Variants in SORCS3 observed in about 807,000 individuals in gnomAD.
SORCS3 encodes VPS10 domain-containing receptor SorCS3.
Under a neutral mutation model 146.3 loss-of-function variants are expected in SORCS3, and 57 were observed. That is an observed-to-expected ratio of 0.39 (90% confidence interval 0.31 to 0.49). The LOEUF is 0.49. SORCS3 is among the 20% of genes least tolerant of loss of function. The pLI is 0.92. For missense variants in SORCS3, 1,341 were observed against 1,575.5 expected, an observed-to-expected ratio of 0.85 and a Z score of 2.52; for synonymous variants, 653 against 618.5, an observed-to-expected ratio of 1.06 and a Z score of -0.83.
At chr10:104,755,339 G>C (rs537006857) in intron 1 of SORCS3, among the ~76,000 whole-genome samples, 11 of 152,272 alleles carry the variant, frequency 7.2e-5, no homozygotes, top group Admixed American at 5.2e-4. Flanking sequence ...TTTGCAGGGA[G>C]ATATAACTGA....
chr10:104,908,416 T>C (rs1036859756), intron 2 of SORCS3, among the ~76,000 whole-genome samples: 33 of 152,184 alleles, frequency 2.2e-4, no homozygotes, highest in African/African-American at 6.5e-4. Flanking sequence ...TTCATAAAAA[T>C]GACAGCCATA....
In SORCS3 at chr10:104,783,557, G is replaced by A. The variant is rs530851517; in HGVS notation, c.628-59235G>A. On this transcript the variant is annotated intron_variant, in intron 1 of 26. Transcript: ENST00000369701. ...AGCCTGGCCAACATGATGAAGCCCC[G>A]TCTCTGCAAAAATTCAAAAATTAGC... Among the ~76,000 whole-genome samples the A allele has an allele frequency of 6.6e-5, 10 of 152,140 alleles. No homozygotes were observed. In the East Asian group the frequency reaches 7.7e-4, roughly 12 times the overall value.
At chr10:104,952,364 C>T (rs1374339734) in intron 3 of SORCS3, among the ~76,000 whole-genome samples, 2 of 150,176 alleles carry the variant, frequency 1.3e-5, no homozygotes, top group African/African-American at 4.9e-5. Flanking sequence ...GGTCCACAGA[C>T]CAGCAGCATT....
intron 16 of SORCS3, among the ~76,000 whole-genome samples, chr10:105,201,631 C>G (rs117857074): frequency 6.6e-6 from 1 of 152,194 alleles, no homozygotes; most frequent in Non-Finnish European, 1.5e-5. Context: ...TGCTCTTCTA[C>G]GTGACCTCTC....
intron 1 of SORCS3, among the ~76,000 whole-genome samples, chr10:104,768,319 A>G (rs2017205840): frequency 1.3e-5 from 2 of 152,242 alleles, no homozygotes; most frequent in African/African-American, 2.4e-5. Flanking sequence ...TTAGAGGGAG[A>G]TAAGTAGGCA....
intron 4 of SORCS3, among the ~76,000 whole-genome samples, chr10:104,999,714 C>A (rs576886486): frequency 6.6e-6 from 1 of 152,274 alleles, no homozygotes; most frequent in Non-Finnish European, 1.5e-5. Flanking sequence ...CCACCCTTGG[C>A]CATTCAGACA....
intron 1 of SORCS3, among the ~76,000 whole-genome samples, chr10:104,735,141 C>A (rs1368183595): frequency 6.6e-6 from 1 of 152,204 alleles, no homozygotes; most frequent in African/African-American, 2.4e-5. Context: ...CTGTTCCCTG[C>A]CGCTTGCCTT....
intron 3 of SORCS3, among the ~76,000 whole-genome samples, chr10:104,917,997 A>T (rs2019050119): frequency 6.6e-6 from 1 of 152,188 alleles, no homozygotes; most frequent in Admixed American, 6.5e-5. Context: ...ATATATACCC[A>T]GTAGTCGAAT....
At chr10:104,818,058 G>C (rs1187138675) in intron 1 of SORCS3, among the ~76,000 whole-genome samples, 1 of 152,080 alleles carries the variant, frequency 6.6e-6, no homozygotes, top group Admixed American at 6.5e-5. Context: ...TGGCCTGCAG[G>C]TTGCCCTATC....
chr10:105,031,334 C>A (rs925330904), intron 4 of SORCS3, among the ~76,000 whole-genome samples: 1 of 69,862 alleles, frequency 1.4e-5, no homozygotes, highest in Non-Finnish European at 2.8e-5. Flanking sequence ...CACACACAAA[C>A]ACACACACAC....
chr10:104,759,778 G>C (rs774074130), intron 1 of SORCS3, among the ~76,000 whole-genome samples: 2 of 152,112 alleles, frequency 1.3e-5, no homozygotes, highest in Non-Finnish European at 2.9e-5. Context: ...TTCACCAGGT[G>C]TTCTGTCGAG....
chr10:105,059,062 C>T (rs2055465401), intron 5 of SORCS3, among the ~76,000 whole-genome samples: 1 of 152,166 alleles, frequency 6.6e-6, no homozygotes, highest in Non-Finnish European at 1.5e-5. Context: ...TCCATCTGAA[C>T]AAGCTCTCCT....
intron 1 of SORCS3, among the ~76,000 whole-genome samples, chr10:104,713,546 A>T (rs1170467480): frequency 6.6e-6 from 1 of 152,108 alleles, no homozygotes; most frequent in Non-Finnish European, 1.5e-5. Context: ...ACATTGATTG[A>T]TGTGATCGCA....
At chr10:105,166,083 C>T (rs1268439980) in intron 12 of SORCS3, among the ~76,000 whole-genome samples, 1 of 152,072 alleles carries the variant, frequency 6.6e-6, no homozygotes, top group African/African-American at 2.4e-5. Flanking sequence ...AGTGAATCAC[C>T]CTTAGGTCCT....
intron 1 of SORCS3, among the ~76,000 whole-genome samples, chr10:104,663,967 A>G (rs1267017112): frequency 6.6e-6 from 1 of 152,196 alleles, no homozygotes; most frequent in East Asian, 1.9e-4. Flanking sequence ...TTTTATGCCA[A>G]GCATTTGTCA....
At chr10:105,003,517 G>A (rs924165175) in intron 4 of SORCS3, among the ~76,000 whole-genome samples, 1 of 152,108 alleles carries the variant, frequency 6.6e-6, no homozygotes, top group African/African-American at 2.4e-5. Context: ...ATTAAATGGA[G>A]CCTAATTTGT....
intron 1 of SORCS3, among the ~76,000 whole-genome samples, chr10:104,737,951 T>A (rs1239133082): frequency 1.3e-5 from 2 of 151,168 alleles, no homozygotes; most frequent in African/African-American, 2.4e-5. Flanking sequence ...TTGATTTTTG[T>A]ATAAGGTGTA....
chr10:105,215,762 C>G (rs2056661138), intron 18 of SORCS3, among the ~76,000 whole-genome samples: 1 of 152,138 alleles, frequency 6.6e-6, no homozygotes, highest in Admixed American at 6.5e-5. Context: ...TCATTCACAT[C>G]TGGGCTGCCA....
In SORCS3 at chr10:104,934,717, C is replaced by T. The variant is rs150382538; in HGVS notation, c.795+18785C>T. On this transcript the variant is annotated intron_variant, in intron 3 of 26. Coordinates refer to ENST00000369701, the MANE Select transcript of SORCS3 (RefSeq NM_014978.3). ...CAGCCTGCCTCCTTATGCTCAGATTCGGTCTTTCTGTCAAGAGTTTCCATC... is the reference window on the plus strand; with the variant it reads ...CAGCCTGCCTCCTTATGCTCAGATTTGGTCTTTCTGTCAAGAGTTTCCATC... 3.0e-3 allele frequency among the ~76,000 whole-genome samples: 458 copies of T among 152,296 alleles called. 2 individuals carry two copies. Among genetic ancestry groups the T allele is most frequent in the South Asian group, 0.019 (90 of 4,820 alleles).
Sources: gnomAD v4.1 joint callset for allele counts (sites outside exome capture counted in the v4.1 genomes callset) on GRCh38, gnomAD v4.1.1 for gene constraint, MANE v1.5 for transcripts, NCBI Gene and HGNC (gene_info 2026-07-23, HGNC 2026-07-21) for gene names.